The following TANK variants were observed in gnomAD, a reference collection of about 807,000 sequenced individuals.
TANK encodes the protein TRAF family member-associated NF-kappa-B activator.
TANK carries 15 observed loss-of-function variants against 43.6 expected under a neutral mutation model. The ratio of observed to expected loss-of-function variants is 0.34; its 90% CI spans 0.23 to 0.53. TANK has a LOEUF of 0.53. Among genes scored for constraint, TANK ranks in the 20% least tolerant of loss-of-function variants. The pLI is 0.94. For synonymous variants in TANK, 162 were observed against 178.2 expected (o/e 0.91, Z 0.73); for missense variants, 417 against 498.6 (o/e 0.84, Z 1.56).
chr2:161,161,281 A>G (rs1684421645), intron 1 of TANK: 1 of 1,550,588 alleles, frequency 6.4e-7, no homozygotes, highest in Non-Finnish European at 8.7e-7. Context: ...ATCTCACCTC[A>G]CAGGAGATGC....
chr2:161,229,206 G>T (rs573964041), intron 6 of TANK, among the ~76,000 whole-genome samples: 55 of 152,346 alleles, frequency 3.6e-4, no homozygotes, highest in African/African-American at 1.3e-3. Flanking sequence ...AAGGTGCAAA[G>T]ACAAGAGAGT....
intron 1 of TANK, among the ~76,000 whole-genome samples, chr2:161,143,313 T>C (rs1336269427): frequency 6.6e-6 from 1 of 152,230 alleles, no homozygotes; most frequent in Non-Finnish European, 1.5e-5. Context: ...ATACGCTTTA[T>C]TTCTTTCTCT....
At chr2:161,223,854 G>T (rs865816352) in intron 4 of TANK, 61 bp from the exon 5 acceptor site, 2 of 1,121,216 alleles carry the variant, frequency 1.8e-6, no homozygotes, top group Non-Finnish European at 2.6e-6. Context: ...CTCTTTACTC[G>T]ACCTCATTTG....
At chr2:161,203,731 A>G in intron 3 of TANK, 136 bp downstream of exon 3, 1 of 576,114 alleles carries the variant, frequency 1.7e-6, no homozygotes, top group Non-Finnish European at 3.0e-6. Context: ...GTTATATGTT[A>G]TGTTTATTTA....
At chr2:161,209,838 C>T (rs947501925) in intron 4 of TANK, among the ~76,000 whole-genome samples, 3 of 152,176 alleles carry the variant, frequency 2.0e-5, no homozygotes, top group African/African-American at 7.2e-5. Context: ...TCCCTGTCTT[C>T]TGGCTTAAAG....
chr2:161,234,720 T>G (rs1688094205), intron 7 of TANK, among the ~76,000 whole-genome samples: 1 of 152,212 alleles, frequency 6.6e-6, no homozygotes, highest in East Asian at 1.9e-4. Context: ...GTCAAAACAC[T>G]GCATGTGTTA....
rs201253699 is a variant in TANK, at chr2:161,179,649, C to A, written c.-14C>A. ...TACTCCATCCTTTATAGTGATGCTACAGGACGAAGAGGAATGGATAAAAAC... is the reference window on the plus strand; with the variant it reads ...TACTCCATCCTTTATAGTGATGCTAAAGGACGAAGAGGAATGGATAAAAAC... On this transcript the variant is annotated 5_prime_UTR_variant, in exon 2 of 8. Coordinates refer to ENST00000392749, the MANE Select transcript of TANK (RefSeq NM_001199135.3). 103 of 1,612,524 alleles carry A rather than the reference C, an allele frequency of 6.4e-5. No individual in the cohort carries two copies. In the East Asian group the frequency reaches 2.1e-3, roughly 32 times the overall value.
intron 1 of TANK, among the ~76,000 whole-genome samples, chr2:161,175,554 T>C (rs1035589788): frequency 1.3e-5 from 2 of 152,158 alleles, no homozygotes; most frequent in African/African-American, 4.8e-5. Context: ...TGAATGGTAA[T>C]GGGATATATT....
At chr2:161,162,119 A>C (rs999661551) in intron 1 of TANK, among the ~76,000 whole-genome samples, 5 of 152,238 alleles carry the variant, frequency 3.3e-5, no homozygotes, top group Admixed American at 2.6e-4. Flanking sequence ...GACTAGAAAT[A>C]CCTCCTTAAT....
At chr2:161,200,507 T>A (rs3754972) in intron 2 of TANK, 52,885 of 980,758 alleles carry the variant, frequency 0.054, 2,975 homozygotes, top group African/African-American at 0.26. Flanking sequence ...TTCCTTTTGG[T>A]CTTTCCCTCT....
chr2:161,178,010 C>G (rs1020851034), intron 1 of TANK, among the ~76,000 whole-genome samples: 3 of 151,944 alleles, frequency 2.0e-5, no homozygotes, highest in African/African-American at 7.3e-5. Context: ...TTTAAGTGGA[C>G]TATAAGAAGT....
chr2:161,145,360 T>A (rs1470200973), intron 1 of TANK, among the ~76,000 whole-genome samples: 2 of 151,970 alleles, frequency 1.3e-5, no homozygotes, highest in East Asian at 3.9e-4. Context: ...AATTTGATCC[T>A]GTCATCGTGA....
chr2:161,190,340 G>T (rs1403183883), intron 2 of TANK, among the ~76,000 whole-genome samples: 3 of 152,130 alleles, frequency 2.0e-5, no homozygotes, highest in Non-Finnish European at 4.4e-5. Context: ...GAACCCTTAT[G>T]CATTGCTAGT....
intron 1 of TANK, among the ~76,000 whole-genome samples, chr2:161,148,701 G>A (rs966840449): frequency 6.6e-6 from 1 of 152,126 alleles, no homozygotes; most frequent in African/African-American, 2.4e-5. Context: ...TGTATGTGGT[G>A]TGAGGTAGGG....
At chr2:161,185,744 G>A (rs977944039) in intron 2 of TANK, among the ~76,000 whole-genome samples, 1 of 149,784 alleles carries the variant, frequency 6.7e-6, no homozygotes, top group African/African-American at 2.4e-5. Flanking sequence ...GATAGCATTG[G>A]GAGATATACC....
At chr2:161,233,650 C>G (rs1688033181) in intron 7 of TANK, among the ~76,000 whole-genome samples, 1 of 151,850 alleles carries the variant, frequency 6.6e-6, no homozygotes, top group Non-Finnish European at 1.5e-5. Context: ...ATGAAGAGAT[C>G]AAATCTGAAC....
chr2:161,139,702 T>A, intron 1 of TANK: 1 of 985,406 alleles, frequency 1.0e-6, no homozygotes. Flanking sequence ...TCTTCTCTAT[T>A]ATTTTGGCTT....
chr2:161,208,710 A>G (rs1242248596), intron 4 of TANK, among the ~76,000 whole-genome samples: 1 of 152,186 alleles, frequency 6.6e-6, no homozygotes, highest in Admixed American at 6.6e-5. Context: ...AGTCACTCAC[A>G]TGACTGTTGG....
intron 4 of TANK, chr2:161,207,425 C>T: frequency 1.0e-6 from 1 of 980,630 alleles, no homozygotes; most frequent in Non-Finnish European, 1.2e-6. Context: ...TTCTTTGTAA[C>T]CATTTAATAA....
Sources: allele counts gnomAD v4.1 joint callset (sites outside exome capture counted in the v4.1 genomes callset), GRCh38; gene constraint gnomAD v4.1.1; transcripts MANE v1.5; gene names NCBI Gene and HGNC (gene_info 2026-07-23, HGNC 2026-07-21).